RNF220: variants seen among roughly 807,000 people sequenced by gnomAD.
The protein encoded by RNF220 is ring finger protein 220, also known as E3 ubiquitin-protein ligase RNF220.
Under a neutral mutation model 67.1 loss-of-function variants are expected in RNF220, and 7 were observed. The ratio of observed to expected loss-of-function variants is 0.10; its 90% CI spans 0.06 to 0.20. RNF220 has a LOEUF of 0.20. Ranked by LOEUF, RNF220 falls within the 10% of genes least tolerant of loss-of-function variation. The probability of loss-of-function intolerance (pLI) is 1.00; values close to 1 mark genes in which losing one functional copy is unlikely to be tolerated. For synonymous variants in RNF220, 270 were observed against 283.2 expected, an observed-to-expected ratio of 0.95 and a Z score of 0.47; for missense variants, 565 against 740.3, an observed-to-expected ratio of 0.76 and a Z score of 2.75.
chr1:44,416,990 A>G (rs893568888), intron 2 of RNF220, among the ~76,000 whole-genome samples: 2 of 149,900 alleles, frequency 1.3e-5, no homozygotes, highest in Admixed American at 1.3e-4. Context: ...TGGAATGGGG[A>G]GGGCTGGGGT....
chr1:44,516,929 C>T (rs1659495554), intron 2 of RNF220, among the ~76,000 whole-genome samples: 1 of 152,068 alleles, frequency 6.6e-6, no homozygotes, highest in Non-Finnish European at 1.5e-5. Context: ...GTCCAGAATG[C>T]TGCTCATCAT....
rs984774165 is a variant in RNF220, at chr1:44,451,365, G to A, written c.625+38643G>A. On this transcript the variant is annotated intron_variant, in intron 2 of 14. Transcript: ENST00000361799. ...TATTGTTCTTTTATAGATTTTCTGT[G>A]GCTACTAATGAAATTGAGCATGCTT... Among the ~76,000 whole-genome samples, 7 of 151,978 alleles carry A rather than the reference G, an allele frequency of 4.6e-5. No homozygotes were observed. In the East Asian group the frequency reaches 1.2e-3, roughly 25 times the overall value.
At position 44,649,478 on chromosome 1, in the gene RNF220, AG is replaced by A; in HGVS notation, c.1446-182del. The A allele has an allele frequency of 1.6e-6, 1 of 613,618 alleles. No individual in the cohort carries two copies. 38.0% of individuals were successfully genotyped at this position (613,618 alleles called of 1,614,324 possible). ...CATCCGAATGGGAATGGAGGAATAG[AG>A]AGGGTGAGGAGTTTAGTTCTGGAAT... On this transcript the variant is annotated intron_variant, in intron 12 of 14. Transcript: ENST00000361799. This position sits in a 1 kb window ranked among gnomAD's most constrained non-coding sequence, Gnocchi z 5.9.
At chr1:44,523,805 A>AG (rs1312767172) in intron 2 of RNF220, among the ~76,000 whole-genome samples, 2 of 152,196 alleles carry the variant, frequency 1.3e-5, no homozygotes, top group Non-Finnish European at 2.9e-5. Flanking sequence ...CTCACAATCC[A>AG]GCATCCAGCG....
At position 44,614,675 on chromosome 1, in the gene RNF220, CA is replaced by C. The variant is rs1324901736; in HGVS notation, c.758+379del. Among the ~76,000 whole-genome samples the C allele has an allele frequency of 6.6e-5, 10 of 152,262 alleles. No homozygotes were observed. In the East Asian group the frequency reaches 1.9e-3, roughly 29 times the overall value. ...CAGAAGTGCAGCCAAGTCCTTCCTC[CA>C]GTGGGGTGGACACTACCTTCTCTAT... On this transcript the variant is annotated intron_variant, in intron 3 of 14. Transcript: ENST00000361799.
chr1:44,559,306 TCGGCCC>T (rs1241714086), intron 2 of RNF220, among the ~76,000 whole-genome samples: 1 of 152,190 alleles, frequency 6.6e-6, no homozygotes, highest in African/African-American at 2.4e-5. Context: ...GGGCTTCCCC[TCGGCCC>T]TAGCAGGGCA....
At chr1:44,587,487 A>G (rs1665791482) in intron 2 of RNF220, among the ~76,000 whole-genome samples, 1 of 151,976 alleles carries the variant, frequency 6.6e-6, no homozygotes, top group African/African-American at 2.4e-5. Context: ...CCTTCTCTTC[A>G]TCACCTTGTG....
intron 2 of RNF220, chr1:44,419,692 A>G (rs749803417): frequency 1.3e-5 from 2 of 152,196 alleles, no homozygotes; most frequent in African/African-American, 2.4e-5. Context: ...TATGTATGCT[A>G]TCCCAAAGGC....
intron 2 of RNF220, among the ~76,000 whole-genome samples, chr1:44,443,611 C>T (rs944426950): frequency 1.3e-5 from 2 of 152,220 alleles, no homozygotes; most frequent in Non-Finnish European, 2.9e-5. Context: ...CCATTCTCCT[C>T]TTAGCTTTTC....
In RNF220 at chr1:44,645,561, G is replaced by T. The variant is rs1390908217; in HGVS notation, c.1445+73G>T. 25 of 1,467,414 alleles carry T rather than the reference G, an allele frequency of 1.7e-5. No individual in the cohort carries two copies. The highest frequency in any genetic ancestry group is 8.9e-5 in the Admixed American group (5 of 56,010). The allele number at this position is 1,467,414 out of a possible 1,614,324, so 90.9% of individuals were successfully genotyped here. On this transcript the variant is annotated intron_variant, in intron 12 of 14. Coordinates refer to ENST00000361799, the MANE Select transcript of RNF220 (RefSeq NM_018150.4). The surrounding 1 kb of genome is among the most constrained non-coding windows in gnomAD (Gnocchi z 5.0). ...GGAGGGGCCCTTTGCTAGCAGGAAG[G>T]CCTGCTGCCAGGGCTTCTGGCCCTC...
intron 2 of RNF220, among the ~76,000 whole-genome samples, chr1:44,514,270 A>C (rs1659276521): frequency 6.6e-6 from 1 of 152,178 alleles, no homozygotes; most frequent in Non-Finnish European, 1.5e-5. Context: ...GCCTAAAATA[A>C]TGGAATTATG....
intron 2 of RNF220, among the ~76,000 whole-genome samples, chr1:44,552,422 G>A (rs1185738715): frequency 1.3e-5 from 2 of 151,754 alleles, no homozygotes; most frequent in Admixed American, 6.6e-5. Flanking sequence ...TAGGAGCCTC[G>A]GAGGTCAAGT....
intron 2 of RNF220, among the ~76,000 whole-genome samples, chr1:44,413,881 C>T (rs1292659810): frequency 6.6e-6 from 1 of 152,202 alleles, no homozygotes. Context: ...GTCAGGCTGT[C>T]TCCTTGAATT....
At chr1:44,517,428 C>T (rs1659541799) in intron 2 of RNF220, among the ~76,000 whole-genome samples, 1 of 152,190 alleles carries the variant, frequency 6.6e-6, no homozygotes, top group Admixed American at 6.5e-5. Flanking sequence ...GAGAACTCGT[C>T]CCAGTCTATA....
intron 1 of RNF220, chr1:44,410,441 G>A (rs1647846431): frequency 6.6e-6 from 1 of 152,222 alleles, no homozygotes; most frequent in Non-Finnish European, 1.5e-5. Context: ...AAATTTGGAA[G>A]AGAGAAAAAT....
chr1:44,408,043 A>G (rs562950257), intron 1 of RNF220, among the ~76,000 whole-genome samples: 1 of 152,166 alleles, frequency 6.6e-6, no homozygotes, highest in Non-Finnish European at 1.5e-5. Context: ...GACCCAGAGT[A>G]TTCTATATAC....
intron 2 of RNF220, among the ~76,000 whole-genome samples, chr1:44,527,020 T>C (rs1263128249): frequency 1.3e-5 from 2 of 152,012 alleles, no homozygotes; most frequent in African/African-American, 2.4e-5. Flanking sequence ...CAGAGTACAC[T>C]GCTTCACTTC....
chr1:44,416,440 T>A (rs1648542119), intron 2 of RNF220, among the ~76,000 whole-genome samples: 1 of 152,252 alleles, frequency 6.6e-6, no homozygotes, highest in Admixed American at 6.5e-5. Context: ...TGTCTTGTGT[T>A]AGAATCTGTA....
At chr1:44,617,618 G>A (rs974593095) in intron 3 of RNF220, among the ~76,000 whole-genome samples, 8 of 152,252 alleles carry the variant, frequency 5.3e-5, no homozygotes, top group African/African-American at 1.7e-4. Flanking sequence ...CTCTCGGGAA[G>A]CCAAGACAGC....
Sources: gnomAD v4.1 joint callset for allele counts (sites outside exome capture counted in the v4.1 genomes callset) on GRCh38, gnomAD v4.1.1 for gene constraint, Gnocchi (gnomAD v3.1) non-coding constraint, MANE v1.5 for transcripts, NCBI Gene and HGNC (gene_info 2026-07-23, HGNC 2026-07-21) for gene names.